ITFG1: variants seen among roughly 807,000 people sequenced by gnomAD.
The protein encoded by ITFG1 is integrin alpha FG-GAP repeat containing 1, also known as T-cell immunomodulatory protein.
Under a neutral mutation model 81.8 loss-of-function variants are expected in ITFG1, and 34 were observed. The ratio of observed to expected loss-of-function variants is 0.42; its 90% CI spans 0.32 to 0.55. ITFG1 has a LOEUF of 0.55. Among genes scored for constraint, ITFG1 ranks in the 20% least tolerant of loss-of-function variants. ITFG1 has a pLI of 0.17. For synonymous variants in ITFG1, 285 were observed against 270.6 expected (o/e 1.05, Z -0.52); for missense variants, 672 against 755.4 (o/e 0.89, Z 1.29).
chr16:47,227,299 A>T (rs1965768571), intron 13 of ITFG1, among the ~76,000 whole-genome samples: 1 of 152,214 alleles, frequency 6.6e-6, no homozygotes. Flanking sequence ...AGGTACAAGG[A>T]GTATTGCTGT....
In ITFG1 at chr16:47,460,991, C is replaced by T. The variant is rs1239404796; in HGVS notation, c.55G>A (p.Ala19Thr). The T allele has an allele frequency of 1.3e-6, 2 of 1,573,252 alleles. No homozygotes were observed. The highest frequency in any genetic ancestry group is 1.8e-5 in the Admixed American group (1 of 54,180). ...SSWALFSPLL[A>T]GLALLGVGPV... is the part of the protein sequence containing the mutation. ...CCGACTCCCAGTAGTGCAAGCCCTG[C>T]GAGGAGCGGCGAGAAGAGGGCCCAG... is the stretch of plus-strand genomic sequence containing the variant. The change falls in exon 1 of 18, where the codon GCA becomes ACA. Residue 19 changes from alanine to threonine, a missense_variant. Transcript: ENST00000320640.
chr16:47,398,170 C>A (rs939385544), intron 6 of ITFG1, among the ~76,000 whole-genome samples: 1 of 152,176 alleles, frequency 6.6e-6, no homozygotes, highest in Non-Finnish European at 1.5e-5. Context: ...TGTCACACAC[C>A]TCCTTCAACT....
At chr16:47,277,059 C>T (rs969608595) in intron 10 of ITFG1, among the ~76,000 whole-genome samples, 4 of 152,108 alleles carry the variant, frequency 2.6e-5, no homozygotes, top group Non-Finnish European at 5.9e-5. Flanking sequence ...ATAATTATCC[C>T]TATTCTCTCC....
intron 6 of ITFG1, among the ~76,000 whole-genome samples, chr16:47,385,466 G>A (rs1384930056): frequency 6.6e-6 from 1 of 152,162 alleles, no homozygotes; most frequent in Admixed American, 6.5e-5. Context: ...AACTTAATAT[G>A]TGAAACTACA....
intron 7 of ITFG1, among the ~76,000 whole-genome samples, chr16:47,373,100 A>C (rs1968278611): frequency 1.3e-5 from 2 of 152,128 alleles, no homozygotes; most frequent in African/African-American, 2.4e-5. Flanking sequence ...ATCTTGTATA[A>C]ACCAATTTTT....
chr16:47,287,227 AAT>A, intron 10 of ITFG1, among the ~76,000 whole-genome samples: 1 of 151,984 alleles, frequency 6.6e-6, no homozygotes, highest in East Asian at 1.9e-4. Flanking sequence ...TCTCTATTTA[AAT>A]ATATATATAT....
chr16:47,425,956 T>C (rs1326474713), intron 6 of ITFG1: 1 of 152,190 alleles, frequency 6.6e-6, no homozygotes, highest in African/African-American at 2.4e-5. Context: ...CCTTTCTTTA[T>C]CTCTTATTGT....
intron 5 of ITFG1, among the ~76,000 whole-genome samples, chr16:47,446,385 A>G (rs186673415): frequency 8.0e-4 from 122 of 152,362 alleles, no homozygotes; most frequent in African/African-American, 2.7e-3. Flanking sequence ...TCTCAGGTAC[A>G]TAAGAGAAAA....
intron 8 of ITFG1, among the ~76,000 whole-genome samples, chr16:47,340,813 A>G (rs548907959): frequency 1.3e-5 from 2 of 152,230 alleles, no homozygotes; most frequent in African/African-American, 2.4e-5. Flanking sequence ...TTGAAAGTGA[A>G]AGAATGGGCA....
intron 6 of ITFG1, 84 bp downstream of exon 6, chr16:47,428,720 G>T: frequency 1.2e-6 from 1 of 817,802 alleles, no homozygotes. Context: ...TACTTCATTA[G>T]CAATTAAATA....
At chr16:47,263,465 G>A (rs1007795598) in intron 10 of ITFG1, 4 of 382,294 alleles carry the variant, frequency 1.0e-5, no homozygotes, top group African/African-American at 8.6e-5. Context: ...TGACAATGCA[G>A]TTGATCTTCA....
At chr16:47,171,376 A>G (rs1964959797) in intron 14 of ITFG1, among the ~76,000 whole-genome samples, 2 of 152,196 alleles carry the variant, frequency 1.3e-5, no homozygotes. Flanking sequence ...CTATAAGGTC[A>G]GCAGCAAAGT....
intron 7 of ITFG1, among the ~76,000 whole-genome samples, chr16:47,370,686 C>G (rs1030410420): frequency 6.6e-6 from 1 of 152,180 alleles, no homozygotes; most frequent in East Asian, 1.9e-4. Context: ...CTGCCCTGCA[C>G]TTGCTTGCTT....
At chr16:47,175,215 T>C (rs929032871) in intron 14 of ITFG1, among the ~76,000 whole-genome samples, 1 of 152,078 alleles carries the variant, frequency 6.6e-6, no homozygotes, top group Non-Finnish European at 1.5e-5. Flanking sequence ...CTGTGGCAAG[T>C]ACTTCTTGTG....
intron 4 of ITFG1, among the ~76,000 whole-genome samples, chr16:47,452,196 T>C (rs1969398123): frequency 6.6e-6 from 1 of 152,204 alleles, no homozygotes; most frequent in African/African-American, 2.4e-5. Context: ...GAAACAAGAA[T>C]GTGGCCAAAC....
At chr16:47,267,005 T>C (rs2151544558) in intron 10 of ITFG1, among the ~76,000 whole-genome samples, 1 of 152,148 alleles carries the variant, frequency 6.6e-6, no homozygotes. Context: ...CGATGGAAAG[T>C]AGACTAGTAA....
chr16:47,293,533 G>C (rs1265517832), intron 10 of ITFG1, among the ~76,000 whole-genome samples: 2 of 151,836 alleles, frequency 1.3e-5, no homozygotes, highest in African/African-American at 2.4e-5. Flanking sequence ...TAGAGTTTTT[G>C]GTAACAGCCA....
intron 5 of ITFG1, among the ~76,000 whole-genome samples, chr16:47,445,132 A>G (rs1969307613): frequency 6.6e-6 from 1 of 150,922 alleles, no homozygotes; most frequent in Non-Finnish European, 1.5e-5. Context: ...AAAAAAGAAA[A>G]ACTGGAAGTT....
Position 47,399,221 on chromosome 16 carries a change from C to T in ITFG1, c.656-23281G>A, listed in dbSNP as rs374725483. 4.6e-5 allele frequency among the ~76,000 whole-genome samples: 7 copies of T among 152,328 alleles called. No individual in the cohort carries two copies. In the East Asian group the frequency reaches 7.7e-4, roughly 17 times the overall value. ...CTGAGAGCTACATTTTATTTTCCTT[C>T]TTTAAGAAAGAACACTTTAGGAGAC... On this transcript the variant is annotated intron_variant, in intron 6 of 17. Transcript: ENST00000320640.
Sources: allele counts gnomAD v4.1 joint callset (sites outside exome capture counted in the v4.1 genomes callset), GRCh38; gene constraint gnomAD v4.1.1; transcripts MANE v1.5; gene names NCBI Gene and HGNC (gene_info 2026-07-23, HGNC 2026-07-21).